FAM170A: variants seen among roughly 807,000 people sequenced by gnomAD.
The protein encoded by FAM170A is protein FAM170A.
Under a neutral mutation model 36.6 loss-of-function variants are expected in FAM170A, and 28 were observed. The observed-to-expected ratio is 0.76, with a 90% CI of 0.57 to 1.05. The LOEUF is 1.05. Among genes scored for constraint, FAM170A ranks in the 50% least tolerant of loss-of-function variants. FAM170A has a pLI of 0.00. For synonymous variants in FAM170A, 156 were observed against 143.9 expected, an observed-to-expected ratio of 1.08 and a Z score of -0.60; for missense variants, 434 against 396.5, an observed-to-expected ratio of 1.09 and a Z score of -0.80.
chr5:119,631,518 A>T (rs1399374735), intron 1 of FAM170A, among the ~76,000 whole-genome samples: 1 of 152,162 alleles, frequency 6.6e-6, no homozygotes, highest in African/African-American at 2.4e-5. Flanking sequence ...GGCAACACTC[A>T]ATACACATAA....
chr5:119,632,779 G>A lies in FAM170A; in HGVS notation c.102G>A (p.Gln34=), dbSNP rs202237917. 108 of 1,610,564 alleles carry A rather than the reference G, an allele frequency of 6.7e-5. No individual in the cohort carries two copies. In the African/African-American group the frequency reaches 1.4e-3, roughly 21 times the overall value. ...CAAAGTCCCAAGAGGATGCCCTGCA[G>A]CCTGGATCCACTAGAGTGGCCAAAG... The change falls in exon 2 of 5, where the codon CAG becomes CAA. Residue 34 remains glutamine, a synonymous_variant. Transcript: ENST00000613773.
At chr5:119,635,462 G>A (rs1756361562) in intron 4 of FAM170A, among the ~76,000 whole-genome samples, 1 of 152,174 alleles carries the variant, frequency 6.6e-6, no homozygotes, top group African/African-American at 2.4e-5. Flanking sequence ...TGAGCCCATA[G>A]ATATAGCCCT....
At chr5:119,634,482 A>T in exon 3 of FAM170A, 3 of 1,614,172 alleles carry the variant, frequency 1.9e-6, no homozygotes, top group Non-Finnish European at 2.5e-6. Context: ...GCCCTCCAGG[A>T]GCATGTGCAG....
intron 1 of FAM170A, 48 bp downstream of exon 1, chr5:119,629,886 T>A (rs1756203394): frequency 2.8e-6 from 4 of 1,431,170 alleles, no homozygotes. Flanking sequence ...CTGGCCAGCC[T>A]GAGCCGCCTT....
At chr5:119,633,466 C>T (rs967644442) in intron 2 of FAM170A, among the ~76,000 whole-genome samples, 3 of 152,052 alleles carry the variant, frequency 2.0e-5, no homozygotes, top group Non-Finnish European at 4.4e-5. Context: ...TATTTGGGCT[C>T]TGCCTTTGCC....
rs111782593 is a variant in FAM170A, at chr5:119,633,030, G to A, written c.211+142G>A. On this transcript the variant is annotated intron_variant, in intron 2 of 4. Transcript: ENST00000613773. ...GGGTGTAAGACTCTTTGGGAGTGGGGCTTTTTGGGTTTGGGGCTCCTTCGG... is the reference window on the plus strand; with the variant it reads ...GGGTGTAAGACTCTTTGGGAGTGGGACTTTTTGGGTTTGGGGCTCCTTCGG... 2.0e-4 allele frequency: 181 copies of A among 918,818 alleles called. 1 individual carries two copies. In the African/African-American group the frequency reaches 2.7e-3, roughly 14 times the overall value. The allele number at this position is 918,818 out of a possible 1,614,324, so 56.9% of individuals were successfully genotyped here.
intron 2 of FAM170A, 85 bp from the exon 3 acceptor site, chr5:119,633,875 C>T: frequency 6.6e-7 from 1 of 1,515,888 alleles, no homozygotes; most frequent in Non-Finnish European, 8.9e-7. Flanking sequence ...GTCCCTGTCT[C>T]CTGCACCACA....
exon 1 of FAM170A, chr5:119,629,648 A>G (rs182938171): frequency 5.4e-4 from 400 of 745,538 alleles, no homozygotes; most frequent in African/African-American, 2.6e-3. Context: ...CGGAGATTCA[A>G]CTACGTTTAC....
chr5:119,634,447 C>T (rs1756333228), exon 3 of FAM170A: 1 of 1,614,042 alleles, frequency 6.2e-7, no homozygotes, highest in South Asian at 1.1e-5. Flanking sequence ...GCATGGCCTG[C>T]TGCCGGGTGT....
rs1216809601 is a variant in FAM170A at position 119,632,781 on chromosome 5, C to T, written c.104C>T (p.Pro35Leu). Residue 35 changes from proline (P) to leucine (L), a missense_variant, in exon 2 of 5, where the codon CCT (proline) becomes CTT (leucine). By Grantham distance (98) the Pro-to-Leu change is moderately conservative. Coordinates refer to ENST00000613773, the Ensembl canonical transcript of FAM170A. ...AAGTCCCAAGAGGATGCCCTGCAGC[C>T]TGGATCCACTAGAGTGGCCAAAGGC... 3.1e-6 allele frequency: 5 copies of T among 1,610,798 alleles called. No homozygotes were observed. The highest frequency in any genetic ancestry group is 3.3e-5 in the Admixed American group (2 of 59,804).
exon 3 of FAM170A, chr5:119,633,961 A>T: frequency 1.2e-6 from 2 of 1,604,138 alleles, no homozygotes; most frequent in South Asian, 2.2e-5. Flanking sequence ...CTTTCCCAGG[A>T]ATCCAGAGAA....
At chr5:119,634,321 G>C (rs1043252820) in exon 3 of FAM170A, 2 of 1,614,186 alleles carry the variant, frequency 1.2e-6, no homozygotes, top group African/African-American at 1.3e-5. Context: ...GTGGGGAGGA[G>C]AAAGAGCATG....
At position 119,629,837 on chromosome 5, in the gene FAM170A, AG is replaced by A. The variant is rs1187670170; in HGVS notation, c.70+1del. ...CCCAGGAAACCGCTGAGAAGGGAGG[AG>A]GTATGTGCGGGGCAAACTTTCTGGG... On this transcript the variant is annotated frameshift_variant and splice_region_variant, in exon 1 of 5. Coordinates refer to ENST00000613773, the Ensembl canonical transcript of FAM170A. LOFTEE classifies it high-confidence loss of function. 6.2e-7 allele frequency: 1 copy of A among 1,612,728 alleles called. No homozygotes were observed. Among genetic ancestry groups the A allele is most frequent in the Non-Finnish European group, 8.5e-7 (1 of 1,178,956 alleles).
chr5:119,633,527 G>A (rs991877794), intron 2 of FAM170A, among the ~76,000 whole-genome samples: 1 of 151,972 alleles, frequency 6.6e-6, no homozygotes, highest in African/African-American at 2.4e-5. Flanking sequence ...ACTGCAGCGG[G>A]ACTCTAGCTC....
At chr5:119,630,053 G>A (rs1410072243) in intron 1 of FAM170A, among the ~76,000 whole-genome samples, 5 of 151,362 alleles carry the variant, frequency 3.3e-5, no homozygotes, top group Admixed American at 6.6e-5. Flanking sequence ...CACCACGCCC[G>A]GCTAATTTTT....
intron 1 of FAM170A, among the ~76,000 whole-genome samples, chr5:119,632,163 C>T (rs919690193): frequency 1.3e-5 from 2 of 152,168 alleles, no homozygotes; most frequent in African/African-American, 4.8e-5. Context: ...TCATAATGAG[C>T]TGACCTATGA....
intron 2 of FAM170A, 133 bp from the exon 3 acceptor site, chr5:119,633,827 C>A: frequency 8.3e-7 from 1 of 1,202,236 alleles, no homozygotes; most frequent in Non-Finnish European, 1.2e-6. Context: ...ATATGAACAA[C>A]AAATACCAAG....
At position 119,635,217 on chromosome 5, in the gene FAM170A, T is replaced by C. The variant is rs7735876; in HGVS notation, c.*52+131T>C. 4.8e-3 allele frequency: 3,096 copies of C among 641,324 alleles called. 66 individuals carry two copies. The African/African-American group carries it at 0.049, about 10-fold the overall frequency. 39.7% of individuals were successfully genotyped at this position (641,324 alleles called of 1,614,324 possible). On this transcript the variant is annotated intron_variant, in intron 4 of 4. Transcript: ENST00000613773. ...CCACATCAACTTATCGTGCACCTGG[T>C]GCTTCTGGGGGAATTGTCCTCCATT...
exon 3 of FAM170A, chr5:119,634,341 C>T: frequency 6.2e-7 from 1 of 1,614,200 alleles, no homozygotes; most frequent in Non-Finnish European, 8.5e-7. Flanking sequence ...GAGGAAAGGA[C>T]AGAATCAGAC....
Sources: allele counts gnomAD v4.1 joint callset (sites outside exome capture counted in the v4.1 genomes callset), GRCh38; gene constraint gnomAD v4.1.1; transcripts MANE v1.5; gene names NCBI Gene and HGNC (gene_info 2026-07-23, HGNC 2026-07-21).